Variants in PRKN observed in about 807,000 individuals in gnomAD.
PRKN encodes the protein E3 ubiquitin-protein ligase parkin.
PRKN carries 56 observed loss-of-function variants against 59.5 expected under a neutral mutation model. The ratio of observed to expected loss-of-function variants is 0.94; its 90% confidence interval spans 0.76 to 1.18. The LOEUF is 1.18. PRKN is among the 50% of genes most tolerant of loss of function. PRKN has a pLI of 0.00. For missense variants in PRKN, 657 were observed against 596.4 expected (o/e 1.10, Z -1.06); for synonymous variants, 250 against 222.1 (o/e 1.13, Z -1.12).
intron 6 of PRKN, among the ~76,000 whole-genome samples, chr6:161,888,623 A>ACACACAC (rs1270813070): frequency 6.6e-6 from 1 of 152,122 alleles, no homozygotes; most frequent in African/African-American, 2.4e-5. Flanking sequence ...ACACATTGTG[A>ACACACAC]CAGTTGAGAA....
At chr6:162,680,193 T>C (rs532839602) in intron 1 of PRKN, among the ~76,000 whole-genome samples, 1 of 151,162 alleles carries the variant, frequency 6.6e-6, no homozygotes, top group Admixed American at 6.6e-5. Flanking sequence ...CTAAATAATA[T>C]TTGAGGAAGA....
chr6:161,711,126 T>A (rs1786734510), intron 7 of PRKN, among the ~76,000 whole-genome samples: 1 of 151,708 alleles, frequency 6.6e-6, no homozygotes, highest in South Asian at 2.1e-4. Context: ...AGGAGAGGGG[T>A]CATATCATCT....
chr6:162,272,726 G>A (rs982457325), intron 2 of PRKN, among the ~76,000 whole-genome samples: 2 of 152,000 alleles, frequency 1.3e-5, no homozygotes, highest in African/African-American at 2.4e-5. Context: ...GGCTGGGTGC[G>A]GTGGCTCATG....
chr6:161,915,702 A>T (rs1430590262), intron 6 of PRKN, among the ~76,000 whole-genome samples: 1 of 151,542 alleles, frequency 6.6e-6, no homozygotes, highest in East Asian at 1.9e-4. Flanking sequence ...GCCATTGCAC[A>T]TGCAAACGTG....
At chr6:161,513,526 T>A (rs1778474223) in intron 9 of PRKN, among the ~76,000 whole-genome samples, 1 of 8,492 alleles carries the variant, frequency 1.2e-4, no homozygotes, top group South Asian at 3.0e-3. Context: ...TTACAGCACA[T>A]TTTTTTTTTT....
At chr6:162,704,156 A>G (rs991964512) in intron 1 of PRKN, among the ~76,000 whole-genome samples, 1 of 152,172 alleles carries the variant, frequency 6.6e-6, no homozygotes, top group African/African-American at 2.4e-5. Flanking sequence ...CAGCACTAAC[A>G]CAATAGCTGG....
intron 2 of PRKN, among the ~76,000 whole-genome samples, chr6:162,380,487 ATATACACACATATATATGTG>A (rs1562716632): frequency 1.7e-3 from 64 of 37,974 alleles, no homozygotes; most frequent in African/African-American, 6.1e-3. Context: ...ATATATGTAT[ATATACACACATATATATGTG>A]TGTATATATA....
intron 1 of PRKN, among the ~76,000 whole-genome samples, chr6:162,625,587 T>C (rs1232281336): frequency 6.6e-6 from 1 of 152,094 alleles, no homozygotes; most frequent in Non-Finnish European, 1.5e-5. Flanking sequence ...CCTTCCTCTT[T>C]TTTTCTACTC....
chr6:161,715,992 G>T, intron 7 of PRKN: 1 of 681,628 alleles, frequency 1.5e-6, no homozygotes, highest in Non-Finnish European at 2.3e-6. Context: ...GTGGGGCCCT[G>T]TGATCTATAT....
At chr6:162,710,750 C>A (rs1372283606) in intron 1 of PRKN, among the ~76,000 whole-genome samples, 1 of 151,966 alleles carries the variant, frequency 6.6e-6, no homozygotes. Flanking sequence ...TTTGATGGAG[C>A]TACAAAGTAC....
intron 1 of PRKN, among the ~76,000 whole-genome samples, chr6:162,648,071 A>G (rs1778265942): frequency 6.6e-6 from 1 of 151,610 alleles, no homozygotes; most frequent in Non-Finnish European, 1.5e-5. Context: ...GTCACAATTT[A>G]TTATAAATCA....
intron 2 of PRKN, among the ~76,000 whole-genome samples, 199 bp downstream of exon 2, chr6:162,443,111 T>C (rs2128167554): frequency 6.6e-6 from 1 of 152,322 alleles, no homozygotes; most frequent in East Asian, 1.9e-4. Flanking sequence ...GCAGTTGTTC[T>C]TCCAATCTTT....
intron 2 of PRKN, among the ~76,000 whole-genome samples, chr6:162,290,451 G>T (rs774643344): frequency 4.6e-5 from 7 of 151,952 alleles, no homozygotes; most frequent in Non-Finnish European, 1.0e-4. Context: ...TAAATTCTTT[G>T]ATTTAAAACA....
In PRKN at chr6:161,427,727, T is replaced by C. The variant is rs76966126; in HGVS notation, c.1084-40850A>G. Among the ~76,000 whole-genome samples the C allele has an allele frequency of 4.8e-3, 727 of 152,260 alleles. 9 individuals are homozygous for C. The highest frequency in any genetic ancestry group is 0.047 in the East Asian group (244 of 5,186). On this transcript the variant is annotated intron_variant, in intron 9 of 11. Coordinates refer to ENST00000366898, the MANE Select transcript of PRKN (RefSeq NM_004562.3). ...TAGGCCTTTGCTGAGGTTGGAAGTATTCAAATAGATAGATAAAGTCACATC... is the reference window on the plus strand; with the variant it reads ...TAGGCCTTTGCTGAGGTTGGAAGTACTCAAATAGATAGATAAAGTCACATC...
At chr6:162,393,462 G>A (rs894347858) in intron 2 of PRKN, among the ~76,000 whole-genome samples, 5 of 151,888 alleles carry the variant, frequency 3.3e-5, no homozygotes, top group African/African-American at 1.2e-4. Flanking sequence ...ACCCGGCCGA[G>A]GCTAGGAGAT....
At chr6:162,645,291 C>A (rs73016459) in intron 1 of PRKN, among the ~76,000 whole-genome samples, 13,171 of 152,094 alleles carry the variant, frequency 0.087, 721 homozygotes, top group Middle Eastern at 0.18. Flanking sequence ...CTATTGCAGC[C>A]TCATTCATGG....
chr6:162,533,970 CAAAAAAAAAA>C (rs139214272), intron 1 of PRKN, among the ~76,000 whole-genome samples: 8 of 82,922 alleles, frequency 9.6e-5, no homozygotes, highest in South Asian at 9.3e-4. Context: ...GACTCCATCT[CAAAAAAAAAA>C]AAAAAAAAGA....
intron 6 of PRKN, among the ~76,000 whole-genome samples, chr6:161,872,762 C>G (rs1474234690): frequency 6.6e-6 from 1 of 152,054 alleles, no homozygotes; most frequent in Non-Finnish European, 1.5e-5. Context: ...AGCACCTGAG[C>G]CCTCTGCCTC....
At chr6:161,634,347 C>T (rs1783435659) in intron 7 of PRKN, among the ~76,000 whole-genome samples, 1 of 152,216 alleles carries the variant, frequency 6.6e-6, no homozygotes, top group Non-Finnish European at 1.5e-5. Context: ...GGGACCTTTC[C>T]ATAGGCAGAC....
Sources: gnomAD v4.1 joint callset for allele counts (sites outside exome capture counted in the v4.1 genomes callset) on GRCh38, gnomAD v4.1.1 for gene constraint, MANE v1.5 for transcripts, NCBI Gene and HGNC (gene_info 2026-07-23, HGNC 2026-07-21) for gene names.